The following RIMS1 variants were observed in gnomAD, a reference collection of about 807,000 sequenced individuals.
The protein encoded by RIMS1 is regulating synaptic membrane exocytosis protein 1.
In RIMS1, 83 loss-of-function variants were observed where a neutral mutation model predicts 214.1. That is an observed-to-expected ratio of 0.39 (90% CI 0.32 to 0.47). The LOEUF (loss-of-function observed/expected upper bound fraction) is 0.47, where lower values mean the gene tolerates loss of function less well. RIMS1 is among the 20% of genes least tolerant of loss of function. The pLI, the probability that RIMS1 is intolerant of heterozygous loss-of-function variation, is 0.99. For synonymous variants in RIMS1, 793 were observed against 786.8 expected (o/e 1.01, Z -0.13); for missense variants, 2,050 against 2,161.8 (o/e 0.95, Z 1.03).
chr6:72,251,054 C>T lies in RIMS1; in HGVS notation c.2506C>T (p.Pro836Ser). Residue 836 changes from proline (P) to serine (S), a missense_variant, in exon 14 of 34, where the codon CCA (proline) becomes TCA (serine). By Grantham distance (74) the Pro-to-Ser change is moderately conservative. This residue lies in a region of RIMS1 where 889 missense variants were observed against 885.5 expected (regional missense o/e 1.00). Transcript: ENST00000521978. ...RMLEITVWDQ[P>S]RVQEEESEFL... The stretch of plus-strand genomic sequence containing the variant: ...GTTAGAAATAACTGTGTGGGACCAA[C>T]CAAGAGTGCAAGAAGAAGAAAGTGA... 6.3e-7 allele frequency: 1 copy of T among 1,586,140 alleles called. No individual in the cohort carries two copies. The highest frequency in any genetic ancestry group is 8.6e-7 in the Non-Finnish European group (1 of 1,165,196).
chr6:72,051,416 A>G (rs1824629200), intron 2 of RIMS1, among the ~76,000 whole-genome samples: 1 of 152,218 alleles, frequency 6.6e-6, no homozygotes, highest in Non-Finnish European at 1.5e-5. Context: ...ACTGAGGCCC[A>G]GAAGAGTTTG....
chr6:72,229,613 A>G (rs1238775984), intron 6 of RIMS1, among the ~76,000 whole-genome samples: 1 of 151,768 alleles, frequency 6.6e-6, no homozygotes, highest in East Asian at 1.9e-4. Context: ...TATTATGTAT[A>G]ATTTAGGGTA....
intron 6 of RIMS1, among the ~76,000 whole-genome samples, chr6:72,222,419 TA>T (rs1306637936): frequency 6.6e-6 from 1 of 152,056 alleles, no homozygotes; most frequent in African/African-American, 2.4e-5. Context: ...ATTCAAAAAA[TA>T]TCAGGAAATA....
At chr6:72,120,867 A>G (rs2038138789) in intron 4 of RIMS1, among the ~76,000 whole-genome samples, 1 of 151,948 alleles carries the variant, frequency 6.6e-6, no homozygotes, top group Admixed American at 6.6e-5. Context: ...AGCTTTCTAC[A>G]TATAGCTAGC....
intron 6 of RIMS1, chr6:72,216,589 G>GC (rs1390360912): frequency 4.1e-6 from 4 of 985,420 alleles, no homozygotes; most frequent in Non-Finnish European, 4.8e-6. Flanking sequence ...GTTACACAGG[G>GC]CTTGGCAGGA....
At chr6:72,146,198 AC>A (rs1418448444) in intron 4 of RIMS1, among the ~76,000 whole-genome samples, 1 of 152,204 alleles carries the variant, frequency 6.6e-6, no homozygotes. Flanking sequence ...GCTATCGGAA[AC>A]TGGCATTGTC....
In RIMS1 at chr6:72,293,452, A is replaced by G. The variant is rs568200036; in HGVS notation, c.3850+1406A>G. Reference sequence around the variant, plus strand: ...TTTAAAATTTATTTTTTAAAGCAAAAGTTGGTGTTTATTTAAATTATCTAT... The same window carrying G: ...TTTAAAATTTATTTTTTAAAGCAAAGGTTGGTGTTTATTTAAATTATCTAT... On this transcript the variant is annotated intron_variant, in intron 26 of 33. Transcript: ENST00000521978. Among the ~76,000 whole-genome samples, 10 of 152,024 alleles carry G rather than the reference A, an allele frequency of 6.6e-5. No individual in the cohort carries two copies. The South Asian group carries it at 1.0e-3, about 16-fold the overall frequency.
At chr6:71,988,464 C>G (rs1584267786) in intron 2 of RIMS1, among the ~76,000 whole-genome samples, 1 of 151,874 alleles carries the variant, frequency 6.6e-6, no homozygotes, top group Non-Finnish European at 1.5e-5. Context: ...CTTGTGTGTT[C>G]TCATTGAGCT....
chr6:72,324,597 A>C (rs1379093872), intron 28 of RIMS1, among the ~76,000 whole-genome samples: 1 of 151,950 alleles, frequency 6.6e-6, no homozygotes, highest in Non-Finnish European at 1.5e-5. Flanking sequence ...AAATGTACTC[A>C]GTAAAAATTA....
intron 29 of RIMS1, among the ~76,000 whole-genome samples, chr6:72,385,216 C>T (rs1427456060): frequency 6.6e-6 from 1 of 152,012 alleles, no homozygotes; most frequent in Non-Finnish European, 1.5e-5. Context: ...TCAATGGATA[C>T]AAATAATTAA....
chr6:72,155,968 C>A, intron 4 of RIMS1: 1 of 218,784 alleles, frequency 4.6e-6, no homozygotes, highest in Non-Finnish European at 9.8e-6. Flanking sequence ...TAGAAGATAA[C>A]AAGTGTTGGT....
At position 72,187,462 on chromosome 6, in the gene RIMS1, G is replaced by T. The variant is rs574940253; in HGVS notation, c.1678+4313G>T. Among the ~76,000 whole-genome samples, 6 of 147,292 alleles carry T rather than the reference G, an allele frequency of 4.1e-5. No individual in the cohort carries two copies. The South Asian group carries it at 1.1e-3, about 27-fold the overall frequency. On this transcript the variant is annotated intron_variant, in intron 6 of 33. Transcript: ENST00000521978. ...AGAAATGTAGATATACTTAATTTGT[G>T]TCCAGATATCCTTTTTGTTTTTTTT...
At chr6:72,262,677 C>G (rs2078573349) in intron 19 of RIMS1, 9 of 852,576 alleles carry the variant, frequency 1.1e-5, no homozygotes, top group Non-Finnish European at 1.3e-5. Context: ...AAATGAATGT[C>G]AAAATGTGTA....
At chr6:71,949,403 T>G (rs1010321342) in intron 1 of RIMS1, among the ~76,000 whole-genome samples, 4 of 152,146 alleles carry the variant, frequency 2.6e-5, no homozygotes, top group African/African-American at 9.7e-5. Context: ...CATGCATCAT[T>G]AAATACATTT....
At position 71,887,002 on chromosome 6, in the gene RIMS1, A is replaced by AG. The variant is rs1562118582; in HGVS notation, c.-17dup. The AG allele has an allele frequency of 1.3e-5, 21 of 1,609,310 alleles. No homozygotes were observed. The highest frequency in any genetic ancestry group is 1.7e-5 in the Non-Finnish European group (20 of 1,177,732). On this transcript the variant is annotated 5_prime_UTR_variant, in exon 1 of 34. Coordinates refer to ENST00000521978, the MANE Select transcript of RIMS1 (RefSeq NM_014989.7). Reference sequence around the variant, plus strand: ...AAGGTGAGAGCCAGAGAGCGAGCAGAGGGGGCGGGCAGGCCACGAAAATGT... The same window carrying AG: ...AAGGTGAGAGCCAGAGAGCGAGCAGAGGGGGGCGGGCAGGCCACGAAAATGT...
At chr6:72,127,428 A>C (rs1242113890) in intron 4 of RIMS1, among the ~76,000 whole-genome samples, 1 of 152,134 alleles carries the variant, frequency 6.6e-6, no homozygotes, top group Non-Finnish European at 1.5e-5. Context: ...AAATTATCTT[A>C]ATTGATTTTC....
At chr6:72,274,297 T>A in intron 22 of RIMS1, 52 bp from the exon 23 acceptor site, 1 of 1,258,902 alleles carries the variant, frequency 7.9e-7, no homozygotes. Context: ...TCTTTTATTT[T>A]AGGAGTTACT....
intron 29 of RIMS1, among the ~76,000 whole-genome samples, chr6:72,347,096 G>A (rs538822564): frequency 2.6e-5 from 4 of 151,784 alleles, no homozygotes; most frequent in South Asian, 2.1e-4. Context: ...TATACCATAC[G>A]TCTATTGATA....
chr6:72,400,348 C>T (rs2098826813), intron 33 of RIMS1, 148 bp from the exon 34 acceptor site: 7 of 658,272 alleles, frequency 1.1e-5, no homozygotes, highest in African/African-American at 1.8e-5. Flanking sequence ...ATCTTCTTAT[C>T]TGTGCCTTCT....
Sources: allele counts gnomAD v4.1 joint callset (sites outside exome capture counted in the v4.1 genomes callset), GRCh38; gene constraint gnomAD v4.1.1; regional missense constraint gnomAD v4.1.1; transcripts MANE v1.5; gene names NCBI Gene and HGNC (gene_info 2026-07-23, HGNC 2026-07-21).